The following SCAF8 variants were observed in gnomAD, a reference collection of about 807,000 sequenced individuals.
SCAF8 encodes SR-related and CTD-associated factor 8.
A neutral mutation model predicts 140.5 loss-of-function variants in SCAF8; 23 were observed. The ratio of observed to expected loss-of-function variants is 0.16; its 90% confidence interval spans 0.12 to 0.23. The LOEUF is 0.23. Among genes scored for constraint, SCAF8 ranks in the 10% least tolerant of loss-of-function variants. SCAF8 has a pLI of 1.00. For synonymous variants in SCAF8, 575 were observed against 528.9 expected, an observed-to-expected ratio of 1.09 and a Z score of -1.20; for missense variants, 1,397 against 1,555.7, an observed-to-expected ratio of 0.90 and a Z score of 1.72.
rs1777308490 is a variant in SCAF8, at chr6:154,788,164, C to T, written c.321+142C>T. 6.1e-6 allele frequency: 4 copies of T among 655,556 alleles called. 1 individual carries two copies. The South Asian group carries it at 9.1e-5, about 15-fold the overall frequency. The allele number at this position is 655,556 out of a possible 1,614,324, so 40.6% of individuals were successfully genotyped here. ...GACAGACCGCATATACAGTGGTGGT[C>T]TCCTAAGATTGTAATACCATATTTT... On this transcript the variant is annotated intron_variant, in intron 4 of 19. Coordinates refer to ENST00000367178, the MANE Select transcript of SCAF8 (RefSeq NM_014892.5).
chr6:154,778,627 GGTA>G (rs1318645916), intron 3 of SCAF8, among the ~76,000 whole-genome samples: 4 of 152,066 alleles, frequency 2.6e-5, no homozygotes, highest in Non-Finnish European at 5.9e-5. Context: ...TAGCTGACCT[GGTA>G]GTGCATGCCT....
At position 154,733,653 on chromosome 6, in the gene SCAF8, G is replaced by A. The variant is rs912576069; in HGVS notation, c.-248G>A. 12 of 1,277,354 alleles carry A rather than the reference G, an allele frequency of 9.4e-6. No homozygotes were observed. Among genetic ancestry groups the A allele is most frequent in the South Asian group, 5.2e-5 (2 of 38,438 alleles). The allele number at this position is 1,277,354 out of a possible 1,614,324, so 79.1% of individuals were successfully genotyped here. On this transcript the variant is annotated 5_prime_UTR_variant, in exon 1 of 20. Transcript: ENST00000367178. ...CCCCGCCCGCCGCCGACCCGCCCCGGCAGCGCCTCTGTTCCCTAGAACGGC... is the reference window on the plus strand; with the variant it reads ...CCCCGCCCGCCGCCGACCCGCCCCGACAGCGCCTCTGTTCCCTAGAACGGC...
chr6:154,745,237 T>C (rs992329735), intron 1 of SCAF8, among the ~76,000 whole-genome samples: 1 of 152,226 alleles, frequency 6.6e-6, no homozygotes, highest in Non-Finnish European at 1.5e-5. Context: ...ATTGATTTGC[T>C]GCTGCTTCAT....
At chr6:154,743,130 G>T (rs1778613759) in intron 1 of SCAF8, among the ~76,000 whole-genome samples, 1 of 152,138 alleles carries the variant, frequency 6.6e-6, no homozygotes, top group Non-Finnish European at 1.5e-5. Context: ...TTGCTTCTTT[G>T]CTAGGGACTA....
intron 6 of SCAF8, among the ~76,000 whole-genome samples, chr6:154,797,143 T>C (rs1408673910): frequency 1.3e-5 from 2 of 151,808 alleles, no homozygotes; most frequent in Non-Finnish European, 1.5e-5. Context: ...ACCATCTGTT[T>C]TGTTTTTCAT....
At position 154,733,638 on chromosome 6, in the gene SCAF8, C is replaced by T. The variant is rs1286437019; in HGVS notation, c.-263C>T. 3 of 1,290,624 alleles carry T rather than the reference C, an allele frequency of 2.3e-6. No homozygotes were observed. Among genetic ancestry groups the T allele is most frequent in the East Asian group, 3.2e-5 (1 of 31,620 alleles). The allele number at this position is 1,290,624 out of a possible 1,614,324, so 79.9% of individuals were successfully genotyped here. The stretch of plus-strand genomic sequence containing the variant: ...GCGGCCCAGCCCCTCCCCCGCCCGC[C>T]GCCGACCCGCCCCGGCAGCGCCTCT... On this transcript the variant is annotated 5_prime_UTR_variant, in exon 1 of 20. Transcript: ENST00000367178.
chr6:154,805,231 G>T, intron 8 of SCAF8, 138 bp from the exon 9 acceptor site: 2 of 556,364 alleles, frequency 3.6e-6, no homozygotes, highest in Non-Finnish European at 6.5e-6. Context: ...TCTACTTTAA[G>T]TATTAAAATT....
At chr6:154,807,686 T>C (rs1038456175) in intron 9 of SCAF8, among the ~76,000 whole-genome samples, 7 of 152,248 alleles carry the variant, frequency 4.6e-5, no homozygotes, top group Admixed American at 4.6e-4. Flanking sequence ...GCCTGTTTTT[T>C]CTTTGTAGCA....
chr6:154,829,377 A>G (rs1395659162), intron 18 of SCAF8, among the ~76,000 whole-genome samples: 2 of 151,686 alleles, frequency 1.3e-5, no homozygotes, highest in African/African-American at 4.8e-5. Context: ...CCTTTTTTCT[A>G]TCATTGGACG....
intron 13 of SCAF8, among the ~76,000 whole-genome samples, chr6:154,816,210 A>G (rs905652369): frequency 1.1e-4 from 17 of 152,230 alleles, no homozygotes; most frequent in African/African-American, 3.6e-4. Context: ...TCGTGGAGAC[A>G]CAGCTGGACT....
chr6:154,771,886 G>A (rs1419307732), intron 1 of SCAF8, among the ~76,000 whole-genome samples: 1 of 151,998 alleles, frequency 6.6e-6, no homozygotes, highest in Non-Finnish European at 1.5e-5. Flanking sequence ...ATAGAAGTTG[G>A]GGGGGAAAAA....
chr6:154,775,663 G>C (rs1239752071), intron 2 of SCAF8, among the ~76,000 whole-genome samples: 1 of 152,074 alleles, frequency 6.6e-6, no homozygotes, highest in Non-Finnish European at 1.5e-5. Context: ...CTAGCTGCTG[G>C]GTAGGCTGAG....
At chr6:154,738,256 A>G (rs989720278) in intron 1 of SCAF8, among the ~76,000 whole-genome samples, 1 of 152,062 alleles carries the variant, frequency 6.6e-6, no homozygotes, top group Non-Finnish European at 1.5e-5. Flanking sequence ...CAAACTGTGG[A>G]TGAGTTTCAG....
At chr6:154,736,156 T>C (rs1778412050) in intron 1 of SCAF8, among the ~76,000 whole-genome samples, 1 of 151,628 alleles carries the variant, frequency 6.6e-6, no homozygotes, top group Non-Finnish European at 1.5e-5. Flanking sequence ...TTGCCCTCAT[T>C]GGATTTAATT....
rs760324551 is a variant in SCAF8 at position 154,774,107 on chromosome 6, GA to G, written c.114+41del. 60 of 1,330,954 alleles carry G rather than the reference GA, an allele frequency of 4.5e-5. 3 individuals are homozygous for G. In the South Asian group the frequency reaches 7.2e-4, roughly 16 times the overall value. 82.4% of individuals were successfully genotyped at this position (1,330,954 alleles called of 1,614,324 possible). ...AAATTTTACTCTTCTATTTTCAAAA[GA>G]AAAAACTATATTAATAGTTTGGATG... On this transcript the variant is annotated intron_variant, in intron 2 of 19. Transcript: ENST00000367178.
chr6:154,832,223 C>G lies in SCAF8; in HGVS notation c.2644C>G (p.Leu882Val). Residue 882 changes from leucine to valine, a missense_variant, in exon 20 of 20, where the codon CTT becomes GTT. Coordinates refer to ENST00000367178, the MANE Select transcript of SCAF8 (RefSeq NM_014892.5). ...LPPNIPNNSG[L>V]VGVQPPNVPN... is the part of the protein sequence containing the mutation. ...CCCAAATATACCTAACAATTCTGGA[C>G]TTGTAGGAGTACAGCCACCAAATGT... The G allele has an allele frequency of 6.2e-7, 1 of 1,614,074 alleles. No homozygotes were observed. The highest frequency in any genetic ancestry group is 1.3e-5 in the African/African-American group (1 of 75,022).
intron 1 of SCAF8, among the ~76,000 whole-genome samples, chr6:154,740,867 C>G (rs562527982): frequency 1.3e-5 from 2 of 151,478 alleles, no homozygotes; most frequent in East Asian, 3.9e-4. Context: ...GACCTGCCCA[C>G]CTTGACCTCC....
intron 4 of SCAF8, among the ~76,000 whole-genome samples, chr6:154,789,431 G>C (rs1051395121): frequency 9.2e-5 from 14 of 151,780 alleles, no homozygotes; most frequent in Middle Eastern, 3.2e-3. Flanking sequence ...TTATTATGCT[G>C]TATTCTTTGT....
chr6:154,814,489 A>G (rs1364969606), intron 12 of SCAF8, among the ~76,000 whole-genome samples: 1 of 152,228 alleles, frequency 6.6e-6, no homozygotes, highest in Non-Finnish European at 1.5e-5. Flanking sequence ...ACACAGGTCT[A>G]GAAGATGTTA....
Sources: gnomAD v4.1 joint callset for allele counts (sites outside exome capture counted in the v4.1 genomes callset) on GRCh38, gnomAD v4.1.1 for gene constraint, MANE v1.5 for transcripts, NCBI Gene and HGNC (gene_info 2026-07-23, HGNC 2026-07-21) for gene names.